STIM1: variants seen among roughly 807,000 people sequenced by gnomAD.
STIM1 encodes stromal interaction molecule 1.
A neutral mutation model predicts 74.7 loss-of-function variants in STIM1; 25 were observed. The ratio of observed to expected loss-of-function variants is 0.33; its 90% CI spans 0.24 to 0.47. The LOEUF (loss-of-function observed/expected upper bound fraction) is 0.47. Ranked by LOEUF, STIM1 falls within the 20% of genes least tolerant of loss-of-function variation. The pLI, the probability that STIM1 is intolerant of heterozygous loss-of-function variation, is 1.00. For synonymous variants in STIM1, 328 were observed against 348.8 expected, an observed-to-expected ratio of 0.94 and a Z score of 0.66; for missense variants, 728 against 920.8, an observed-to-expected ratio of 0.79 and a Z score of 2.71.
chr11:3,993,957 G>C (rs549172580), intron 2 of STIM1, among the ~76,000 whole-genome samples: 1 of 152,338 alleles, frequency 6.6e-6, no homozygotes, highest in East Asian at 1.9e-4. Flanking sequence ...ACCTAGAACA[G>C]TACCTGGCTC....
chr11:4,056,657 T>C (rs1009877324), intron 4 of STIM1, among the ~76,000 whole-genome samples: 5 of 152,240 alleles, frequency 3.3e-5, no homozygotes, highest in Admixed American at 2.6e-4. Context: ...AGCACTGCTG[T>C]CCAGGCCTAG....
At chr11:3,905,205 A>G (rs2092445063) in intron 1 of STIM1, among the ~76,000 whole-genome samples, 1 of 152,012 alleles carries the variant, frequency 6.6e-6, no homozygotes, top group Non-Finnish European at 1.5e-5. Flanking sequence ...TGGTGACAGC[A>G]GTTTCAGTGG....
At chr11:4,081,650 C>G (rs1017186588) in intron 7 of STIM1, among the ~76,000 whole-genome samples, 2 of 152,242 alleles carry the variant, frequency 1.3e-5, no homozygotes, top group African/African-American at 4.8e-5. Flanking sequence ...CACCCCTTCA[C>G]TGATAGTTTG....
chr11:4,024,345 CA>C (rs1172111894), intron 3 of STIM1, among the ~76,000 whole-genome samples: 2 of 152,156 alleles, frequency 1.3e-5, no homozygotes, highest in Admixed American at 6.5e-5. Flanking sequence ...TCTAGCTTCC[CA>C]CTTAGTCCCA....
At chr11:3,995,061 C>A (rs545732225) in intron 2 of STIM1, among the ~76,000 whole-genome samples, 90 of 146,340 alleles carry the variant, frequency 6.2e-4, no homozygotes, top group African/African-American at 2.1e-3. Flanking sequence ...ATCATGCATT[C>A]CTTTACCTCT....
At chr11:4,079,565 C>G (rs943134141) in intron 7 of STIM1, among the ~76,000 whole-genome samples, 6 of 151,196 alleles carry the variant, frequency 4.0e-5, no homozygotes, top group African/African-American at 1.5e-4. Flanking sequence ...CAGAGCAAGA[C>G]TCCATCTCAA....
chr11:3,971,999 C>G (rs1239909173), intron 2 of STIM1, among the ~76,000 whole-genome samples: 1 of 152,150 alleles, frequency 6.6e-6, no homozygotes, highest in Non-Finnish European at 1.5e-5. Context: ...GACAAATGGT[C>G]TACTATGTAA....
intron 1 of STIM1, among the ~76,000 whole-genome samples, chr11:3,938,920 C>T (rs2092970237): frequency 6.6e-6 from 1 of 152,150 alleles, no homozygotes; most frequent in African/African-American, 2.4e-5. Context: ...GGCAAGTGGC[C>T]ATGCAGTCTG....
intron 1 of STIM1, among the ~76,000 whole-genome samples, chr11:3,952,936 C>A (rs538980839): frequency 6.6e-6 from 1 of 152,252 alleles, no homozygotes; most frequent in South Asian, 2.1e-4. Flanking sequence ...CATCAGAAGC[C>A]CATGTTATTG....
At chr11:3,967,719 C>T (rs776229265) in intron 2 of STIM1, 37 bp downstream of exon 2, 1 of 1,613,596 alleles carries the variant, frequency 6.2e-7, no homozygotes, top group Non-Finnish European at 8.5e-7. Flanking sequence ...CTCTTTTCTT[C>T]CTGTGTGAAT....
At chr11:3,855,203 A>C (rs4367942), upstream of STIM1, 1 of 152,478 alleles carries the variant, frequency 6.6e-6, no homozygotes, top group East Asian at 1.9e-4. Context: ...GAGCCGGGTC[A>C]GGCTGTTGTC....
chr11:3,996,175 A>G (rs907467267), intron 2 of STIM1, among the ~76,000 whole-genome samples: 1 of 152,208 alleles, frequency 6.6e-6, no homozygotes, highest in Non-Finnish European at 1.5e-5. Context: ...TTCCTCGGCC[A>G]GGCAAAATCT....
At chr11:3,896,516 G>A (rs1376314386) in intron 1 of STIM1, among the ~76,000 whole-genome samples, 1 of 152,134 alleles carries the variant, frequency 6.6e-6, no homozygotes, top group African/African-American at 2.4e-5. Flanking sequence ...TCTTGATTGA[G>A]CTGCCGATGC....
rs1590697177 is a variant in STIM1 at position 4,082,759 on chromosome 11, C to T, written c.1138-123C>T. The T allele has an allele frequency of 5.2e-6, 4 of 769,892 alleles. No individual in the cohort carries two copies. The East Asian group carries it at 1.0e-4, about 20-fold the overall frequency. 47.7% of individuals were successfully genotyped at this position (769,892 alleles called of 1,614,324 possible). A position where few individuals can be genotyped will look rare whatever the true frequency, so the allele number is the denominator to read the frequency against. On this transcript the variant is annotated intron_variant, in intron 8 of 12. Transcript: ENST00000526596. ...CTTTCTCTTTTTCCTCTTTCTCTTC[C>T]CTTTCCTTGTACAGCCTCAGTTGTG...
chr11:4,050,410 G>A (rs1340892333), intron 3 of STIM1, among the ~76,000 whole-genome samples: 2 of 152,132 alleles, frequency 1.3e-5, no homozygotes, highest in Admixed American at 1.3e-4. Flanking sequence ...AGGTGATCCT[G>A]TTATACTACA....
At chr11:3,880,721 C>T (rs1332158404) in intron 1 of STIM1, among the ~76,000 whole-genome samples, 1 of 152,122 alleles carries the variant, frequency 6.6e-6, no homozygotes, top group Non-Finnish European at 1.5e-5. Flanking sequence ...CTCTGGCCTC[C>T]CTGGTCACCC....
rs114597882 is a variant in STIM1 at position 4,086,046 on chromosome 11, C to T, written c.1568-431C>T. ...AAAGTAAACAATTATGTTTACTTCT[C>T]ATTTAATTATTAATAATGATGAACA... On this transcript the variant is annotated intron_variant, in intron 11 of 12. Coordinates refer to ENST00000526596, the MANE Select transcript of STIM1 (RefSeq NM_001382567.1). Among the ~76,000 whole-genome samples the T allele has an allele frequency of 6.4e-4, 97 of 152,238 alleles. 1 individual carries two copies. Among genetic ancestry groups the T allele is most frequent in the African/African-American group, 2.3e-3 (95 of 41,530 alleles).
At chr11:4,055,745 G>A (rs1208921613) in intron 4 of STIM1, 108 bp downstream of exon 4, 3 of 777,440 alleles carry the variant, frequency 3.9e-6, no homozygotes, top group Non-Finnish European at 6.3e-6. Flanking sequence ...CCTTTTTCAG[G>A]GCAGCGTCTA....
At chr11:3,912,693 TA>T (rs1227529058) in intron 1 of STIM1, among the ~76,000 whole-genome samples, 4 of 152,000 alleles carry the variant, frequency 2.6e-5, no homozygotes, top group Non-Finnish European at 4.4e-5. Flanking sequence ...AGACAAAATA[TA>T]AAAAAAACTG....
Sources: allele counts gnomAD v4.1 joint callset (sites outside exome capture counted in the v4.1 genomes callset), GRCh38; gene constraint gnomAD v4.1.1; transcripts MANE v1.5; gene names NCBI Gene and HGNC (gene_info 2026-07-23, HGNC 2026-07-21).